The following ZNF658 variants were observed in gnomAD, a reference collection of about 807,000 sequenced individuals.
The protein encoded by ZNF658 is zinc finger protein 658.
ZNF658 carries 46 observed loss-of-function variants against 78.0 expected under a neutral mutation model. That is an observed-to-expected ratio of 0.59 (90% CI 0.47 to 0.75). The LOEUF (loss-of-function observed/expected upper bound fraction) is 0.75. ZNF658 is among the 30% of genes least tolerant of loss of function. The probability of loss-of-function intolerance (pLI) is 0.00; values close to 1 mark genes in which losing one functional copy is unlikely to be tolerated. For synonymous variants in ZNF658, 279 were observed against 408.4 expected, an observed-to-expected ratio of 0.68 and a Z score of 3.82; for missense variants, 785 against 1,189.3, an observed-to-expected ratio of 0.66 and a Z score of 5.00.
downstream of ZNF658, among the ~76,000 whole-genome samples, chr9:66,926,123 A>C (rs1170668803): frequency 7.6e-6 from 1 of 132,430 alleles, no homozygotes; most frequent in Non-Finnish European, 1.6e-5. Context: ...TCCCACAGCT[A>C]ACACCACACT....
chr9:66,900,959 G>A (rs1262673629), intron 1 of ZNF658, 123 bp downstream of exon 1: 3 of 152,204 alleles, frequency 2.0e-5, no homozygotes, highest in East Asian at 1.9e-4. Context: ...TCTCCTCCCC[G>A]GCCCAGTGCG....
chr9:66,909,128 G>C (rs1026752530), intron 4 of ZNF658, among the ~76,000 whole-genome samples: 4 of 151,802 alleles, frequency 2.6e-5, no homozygotes, highest in African/African-American at 9.7e-5. Context: ...GTGGATTTTG[G>C]TATTTAAGAG....
intron 6 of ZNF658, among the ~76,000 whole-genome samples, chr9:66,930,449 TG>T (rs1486274391): frequency 6.8e-6 from 1 of 146,492 alleles, no homozygotes; most frequent in Non-Finnish European, 1.5e-5. Flanking sequence ...TGTCCAACTC[TG>T]GATGAGCTTG....
downstream of ZNF658, among the ~76,000 whole-genome samples, chr9:66,925,965 A>T (rs548515673): frequency 1.4e-5 from 2 of 140,284 alleles, no homozygotes; most frequent in Admixed American, 7.3e-5. Flanking sequence ...GATACAGTTA[A>T]TAGAATAAAA....
At chr9:66,922,593 CTG>C (rs917797411), downstream of ZNF658, among the ~76,000 whole-genome samples, 1 of 72,430 alleles carries the variant, frequency 1.4e-5, no homozygotes, top group Admixed American at 1.7e-4. Context: ...AGCATAAAGA[CTG>C]AGAGGGGAGA....
downstream of ZNF658, among the ~76,000 whole-genome samples, chr9:66,922,280 C>T: frequency 6.6e-6 from 1 of 151,890 alleles, no homozygotes. Flanking sequence ...AAGGGAATTC[C>T]CTGGCCCCTT....
rs1822386248 is a variant in ZNF658, at chr9:66,918,188, T to C, written c.622T>C (p.Phe208Leu). 1 of 1,606,832 alleles carries C rather than the reference T, an allele frequency of 6.2e-7. No homozygotes were observed. The highest frequency in any genetic ancestry group is 1.1e-5 in the South Asian group (1 of 89,416). Residue 208 changes from phenylalanine to leucine, a missense_variant, in exon 5 of 5, where the codon TTT (phenylalanine) becomes CTT (leucine). Phe to Leu is a conservative substitution (Grantham distance 22, BLOSUM62 0). Coordinates refer to ENST00000621410, the MANE Select transcript of ZNF658 (RefSeq NM_033160.7). ...TTATAAGAAAGATCAGCATTGGAAA[T>C]TTCAAACTTTGGAGGAATCTTTTGA... ...FSYKKDQHWK[F>L]QTLEESFECD...
intron 2 of ZNF658, among the ~76,000 whole-genome samples, chr9:66,907,706 G>T (rs1822110835): frequency 6.6e-6 from 1 of 152,362 alleles, no homozygotes; most frequent in African/African-American, 2.4e-5. Flanking sequence ...TTAAATGGGT[G>T]TTGCTTCTCT....
intron 1 of ZNF658, among the ~76,000 whole-genome samples, chr9:66,901,554 A>G (rs1403797625): frequency 8.6e-5 from 13 of 151,554 alleles, no homozygotes; most frequent in Non-Finnish European, 1.9e-4. Context: ...AGGCTCCTGA[A>G]TCCTCTTGTA....
chr9:66,907,908 G>A (rs1379316824), intron 2 of ZNF658, among the ~76,000 whole-genome samples: 1 of 151,374 alleles, frequency 6.6e-6, no homozygotes, highest in Non-Finnish European at 1.5e-5. Flanking sequence ...AGAATTTACA[G>A]TGATGATGTC....
chr9:66,908,295 C>A lies in ZNF658; in HGVS notation c.73C>A (p.Leu25Met). ...VEFTREEWQH[L>M]GPVERTLYRD... ...ATTCACCCGGGAGGAGTGGCAGCAC[C>A]TGGGCCCTGTCGAGAGGACGCTGTA... Residue 25 changes from leucine to methionine, a missense_variant, in exon 3 of 5, where the codon CTG (leucine) becomes ATG (methionine). By Grantham distance (15) the Leu-to-Met change is conservative. This residue lies in a region of ZNF658 where 79 missense variants were observed against 96.5 expected (regional missense o/e 0.82). Transcript: ENST00000621410. The A allele has an allele frequency of 6.2e-7, 1 of 1,614,112 alleles. No homozygotes were observed.
chr9:66,925,647 A>T (rs1822579128), downstream of ZNF658, among the ~76,000 whole-genome samples: 1 of 152,118 alleles, frequency 6.6e-6, no homozygotes, highest in African/African-American at 2.4e-5. Flanking sequence ...CTGCTGCTGA[A>T]GTCTACCAAA....
intron 4 of ZNF658, among the ~76,000 whole-genome samples, chr9:66,914,138 A>G (rs1256943808): frequency 2.0e-5 from 3 of 151,572 alleles, no homozygotes; most frequent in African/African-American, 4.9e-5. Flanking sequence ...TTAACAACGT[A>G]CAGTCTTCCA....
At chr9:66,906,907 G>C (rs1275733204) in intron 2 of ZNF658, among the ~76,000 whole-genome samples, 2 of 152,082 alleles carry the variant, frequency 1.3e-5, no homozygotes, top group Non-Finnish European at 2.9e-5. Context: ...GTTTTTGCCG[G>C]TTTCTCATTG....
At chr9:66,905,482 T>TGATA (rs987473122) in intron 2 of ZNF658, among the ~76,000 whole-genome samples, 1 of 151,904 alleles carries the variant, frequency 6.6e-6, no homozygotes, top group Non-Finnish European at 1.5e-5. Context: ...TTACTACTTC[T>TGATA]GATATTGTTT....
downstream of ZNF658, among the ~76,000 whole-genome samples, chr9:66,925,501 A>G (rs1464418097): frequency 1.3e-5 from 2 of 152,110 alleles, no homozygotes; most frequent in Admixed American, 6.6e-5. Context: ...AAATGGATAA[A>G]TTCCTAGAAA....
chr9:66,916,537 T>A (rs1587364352), intron 4 of ZNF658, among the ~76,000 whole-genome samples: 2 of 142,806 alleles, frequency 1.4e-5, no homozygotes, highest in South Asian at 4.9e-4. Flanking sequence ...GAATGCATTG[T>A]GTCTTCAGGT....
chr9:66,920,996 A>T lies in ZNF658; in HGVS notation c.*250A>T. The T allele has an allele frequency of 1.8e-6, 1 of 550,464 alleles. No homozygotes were observed. The highest frequency in any genetic ancestry group is 4.9e-4 in the Middle Eastern group (1 of 2,022). The allele number at this position is 550,464 out of a possible 1,614,324, so 34.1% of individuals were successfully genotyped here. A position where few individuals can be genotyped will look rare whatever the true frequency, so the allele number is the denominator to read the frequency against. Reference sequence around the variant, plus strand: ...TTCCTGGTTCATAAGATGGATTTGGAGGTTATTTCTGCAGCAAACTTGGGT... The same window carrying T: ...TTCCTGGTTCATAAGATGGATTTGGTGGTTATTTCTGCAGCAAACTTGGGT... On this transcript the variant is annotated 3_prime_UTR_variant, in exon 5 of 5. Coordinates refer to ENST00000621410, the MANE Select transcript of ZNF658 (RefSeq NM_033160.7).
At chr9:66,916,193 A>C (rs996588536) in intron 4 of ZNF658, among the ~76,000 whole-genome samples, 3 of 152,170 alleles carry the variant, frequency 2.0e-5, no homozygotes, top group Non-Finnish European at 4.4e-5. Context: ...TGGCCAAAAA[A>C]ATTTAAGCCC....
Sources: allele counts gnomAD v4.1 joint callset (sites outside exome capture counted in the v4.1 genomes callset), GRCh38; gene constraint gnomAD v4.1.1; regional missense constraint gnomAD v4.1.1; transcripts MANE v1.5; gene names NCBI Gene and HGNC (gene_info 2026-07-23, HGNC 2026-07-21).